The following ANKRD22 variants were observed in gnomAD, a reference collection of about 807,000 sequenced individuals.
ANKRD22 encodes the protein ankyrin repeat domain 22, also known as ankyrin repeat domain-containing protein 22.
ANKRD22 carries 24 observed loss-of-function variants against 25.7 expected under a neutral mutation model. The ratio of observed to expected loss-of-function variants is 0.93; its 90% confidence interval spans 0.68 to 1.31. The LOEUF (loss-of-function observed/expected upper bound fraction) is 1.31. Ranked by LOEUF, ANKRD22 falls within the 50% of genes most tolerant of loss-of-function variation. ANKRD22 has a pLI of 0.00. For missense variants in ANKRD22, 214 were observed against 227.1 expected, an observed-to-expected ratio of 0.94 and a Z score of 0.37; for synonymous variants, 84 against 84.3, an observed-to-expected ratio of 1.00 and a Z score of 0.02.
At chr10:88,837,659 G>T (rs1258522857) in intron 1 of ANKRD22, among the ~76,000 whole-genome samples, 2 of 152,170 alleles carry the variant, frequency 1.3e-5, no homozygotes, top group African/African-American at 4.8e-5. Context: ...TAACTAATAT[G>T]GTTTGGCTGT....
intron 1 of ANKRD22, among the ~76,000 whole-genome samples, chr10:88,841,553 T>C (rs1214559): frequency 0.42 from 63,075 of 151,834 alleles, 14,262 homozygotes; most frequent in African/African-American, 0.61. Context: ...CCTGCTCCAA[T>C]ACACCAGCAA....
intron 4 of ANKRD22, among the ~76,000 whole-genome samples, chr10:88,825,038 C>G (rs1843841125): frequency 6.7e-6 from 1 of 149,728 alleles, no homozygotes; most frequent in Non-Finnish European, 1.5e-5. Context: ...CACACACACA[C>G]ACACAACTGC....
rs762877170 is a variant in ANKRD22, at chr10:88,822,968, A to C, written c.549T>G (p.Ile183Met). 1 of 1,613,296 alleles carries C rather than the reference A, an allele frequency of 6.2e-7. No homozygotes were observed. Among genetic ancestry groups the C allele is most frequent in the Non-Finnish European group, 8.5e-7 (1 of 1,179,410 alleles). The change falls in exon 6 of 6, where the codon ATT (isoleucine) becomes ATG (methionine). Residue 183 changes from isoleucine to methionine, a missense_variant. Coordinates refer to ENST00000371930, the MANE Select transcript of ANKRD22 (RefSeq NM_144590.3). The stretch of plus-strand genomic sequence containing the variant: ...ACAATGCTTTCCTTAGCATTAATTC[A>C]ATCTGGGAAAATTTTAATCTCCGTG... ...DIARRLKFSQ[I>M]ELMLRKAL
chr10:88,843,900 CATT>C (rs1229198672), intron 1 of ANKRD22, among the ~76,000 whole-genome samples: 3 of 152,130 alleles, frequency 2.0e-5, no homozygotes, highest in Non-Finnish European at 4.4e-5. Context: ...GGGAAGCTAT[CATT>C]ATACCTTTCT....
chr10:88,831,733 A>C lies in ANKRD22; in HGVS notation c.213+102T>G. On this transcript the variant is annotated intron_variant, in intron 2 of 5. Coordinates refer to ENST00000371930, the MANE Select transcript of ANKRD22 (RefSeq NM_144590.3). ...GGCTAAGATAATTGTTCGTATTAGG[A>C]GCTGCAAGCAATTTAAAAAATGACA... 1.7e-6 allele frequency: 2 copies of C among 1,182,464 alleles called. 1 individual carries two copies. Among genetic ancestry groups the C allele is most frequent in the South Asian group, 3.5e-5 (2 of 57,404 alleles). The allele number at this position is 1,182,464 out of a possible 1,614,324, so 73.2% of individuals were successfully genotyped here.
At chr10:88,833,489 T>A (rs912436810) in intron 1 of ANKRD22, among the ~76,000 whole-genome samples, 6 of 151,726 alleles carry the variant, frequency 4.0e-5, no homozygotes, top group Admixed American at 2.0e-4. Flanking sequence ...AAGAAAAAAA[T>A]TTTTTGGTAT....
At chr10:88,832,061 A>T in intron 1 of ANKRD22, 35 bp from the exon 2 acceptor site, 1 of 1,563,946 alleles carries the variant, frequency 6.4e-7, no homozygotes, top group East Asian at 2.3e-5. Flanking sequence ...GTTTTGAAAT[A>T]CTGGCATAAT....
In ANKRD22 at chr10:88,822,737, A is replaced by G; in HGVS notation, c.*204T>C. 1.9e-6 allele frequency: 1 copy of G among 529,892 alleles called. No individual in the cohort carries two copies. The highest frequency in any genetic ancestry group is 3.4e-6 in the Non-Finnish European group (1 of 297,000). The allele number at this position is 529,892 out of a possible 1,614,324, so 32.8% of individuals were successfully genotyped here. A position where few individuals can be genotyped will look rare whatever the true frequency, so the allele number is the denominator to read the frequency against. On this transcript the variant is annotated 3_prime_UTR_variant, in exon 6 of 6. Coordinates refer to ENST00000371930, the MANE Select transcript of ANKRD22 (RefSeq NM_144590.3). Reference sequence around the variant, plus strand: ...CTACAACAACTTTAGTGTTTCCCTTAGAAGGATTACGGCCATGGTGAACTT... The same window carrying G: ...CTACAACAACTTTAGTGTTTCCCTTGGAAGGATTACGGCCATGGTGAACTT...
intron 1 of ANKRD22, among the ~76,000 whole-genome samples, chr10:88,839,665 G>T (rs1843986392): frequency 1.3e-5 from 2 of 152,104 alleles, no homozygotes; most frequent in African/African-American, 4.8e-5. Context: ...CTGAAGTTAG[G>T]CTTCCATAAG....
At chr10:88,835,891 A>G (rs988051953) in intron 1 of ANKRD22, among the ~76,000 whole-genome samples, 1 of 152,148 alleles carries the variant, frequency 6.6e-6, no homozygotes, top group Non-Finnish European at 1.5e-5. Flanking sequence ...AGGTATGAAA[A>G]AGAGAAGAGG....
At chr10:88,844,199 C>T (rs184517980) in intron 1 of ANKRD22, among the ~76,000 whole-genome samples, 74 of 152,162 alleles carry the variant, frequency 4.9e-4, no homozygotes, top group African/African-American at 1.7e-3. Flanking sequence ...GAGACAAGAG[C>T]TCGATTTGAT....
chr10:88,832,033 C>G lies in ANKRD22; in HGVS notation c.22-7G>C, dbSNP rs372411272. On this transcript the variant is annotated splice_polypyrimidine_tract_variant and splice_region_variant and intron_variant, in intron 1 of 5. Transcript: ENST00000371930. ...AGGCTGCTTGGCAGATGGGCTGGGT[C>G]GGGAAAAACAAAAGCAGGTTTTGAA... 1.3e-6 allele frequency: 2 copies of G among 1,581,162 alleles called. No individual in the cohort carries two copies. Among genetic ancestry groups the G allele is most frequent in the Admixed American group, 1.9e-5 (1 of 51,912 alleles).
chr10:88,822,887 G>T lies in ANKRD22; in HGVS notation c.*54C>A. ...CCACAGACCAAAAGTCTAAAATGAA[G>T]ATAGAATCCAGTCGTTAACTTTTTC... On this transcript the variant is annotated 3_prime_UTR_variant, in exon 6 of 6. Coordinates refer to ENST00000371930, the MANE Select transcript of ANKRD22 (RefSeq NM_144590.3). The T allele has an allele frequency of 6.6e-7, 1 of 1,509,084 alleles. No homozygotes were observed. The allele number at this position is 1,509,084 out of a possible 1,614,324, so 93.5% of individuals were successfully genotyped here. A position where few individuals can be genotyped will look rare whatever the true frequency, so the allele number is the denominator to read the frequency against.
At chr10:88,849,025 T>TGG (rs1366931073) in intron 1 of ANKRD22, among the ~76,000 whole-genome samples, 16 of 151,972 alleles carry the variant, frequency 1.1e-4, no homozygotes, top group South Asian at 1.0e-3. Flanking sequence ...TGTGTGTGTG[T>TGG]GTGGGTGTGT....
chr10:88,847,284 AG>A (rs1167344657), intron 1 of ANKRD22, among the ~76,000 whole-genome samples: 4 of 129,172 alleles, frequency 3.1e-5, no homozygotes, highest in Non-Finnish European at 5.0e-5. Context: ...TTTGAGATGG[AG>A]ACTCACTCTG....
At chr10:88,833,657 T>C (rs138273313) in intron 1 of ANKRD22, among the ~76,000 whole-genome samples, 2 of 152,290 alleles carry the variant, frequency 1.3e-5, no homozygotes, top group East Asian at 3.9e-4. Context: ...GAAAGAAACA[T>C]CCTAACAGAA....
intron 1 of ANKRD22, among the ~76,000 whole-genome samples, chr10:88,834,561 A>C (rs1843934921): frequency 1.3e-5 from 2 of 152,244 alleles, no homozygotes; most frequent in South Asian, 4.1e-4. Context: ...CTCTTTTCTC[A>C]AATATTTAAA....
chr10:88,841,475 C>A (rs1434262306), intron 1 of ANKRD22, among the ~76,000 whole-genome samples: 1 of 152,152 alleles, frequency 6.6e-6, no homozygotes, highest in Non-Finnish European at 1.5e-5. Flanking sequence ...AAAGAGAGAG[C>A]AACGAACTCA....
At chr10:88,823,626 G>A (rs1843823180) in intron 4 of ANKRD22, 12 of 384,328 alleles carry the variant, frequency 3.1e-5, no homozygotes, top group South Asian at 2.6e-4. Flanking sequence ...AGAGGATCGA[G>A]ACCGTCCTGG....
Sources: allele counts gnomAD v4.1 joint callset (sites outside exome capture counted in the v4.1 genomes callset), GRCh38; gene constraint gnomAD v4.1.1; transcripts MANE v1.5; gene names NCBI Gene and HGNC (gene_info 2026-07-23, HGNC 2026-07-21).